Variants in FCRL4 observed in about 807,000 individuals in gnomAD.
The protein encoded by FCRL4 is Fc receptor like 4.
A neutral mutation model predicts 64.1 loss-of-function variants in FCRL4; 43 were observed. That is an observed-to-expected ratio of 0.67 (90% CI 0.53 to 0.87). The LOEUF (loss-of-function observed/expected upper bound fraction) is 0.87. FCRL4 is among the 40% of genes least tolerant of loss of function. The pLI is 0.00. For synonymous variants in FCRL4, 253 were observed against 239.8 expected (o/e 1.05, Z -0.51); for missense variants, 656 against 613.5 (o/e 1.07, Z -0.73).
intron 3 of FCRL4, 72 bp downstream of exon 3, chr1:157,589,132 G>A (rs892398965): frequency 9.9e-6 from 15 of 1,520,036 alleles, no homozygotes; most frequent in South Asian, 2.5e-5. Context: ...ACCCCAGTTC[G>A]TGGAATCTCC....
Position 157,586,383 on chromosome 1 carries a change from A to G in FCRL4, c.920T>C (p.Val307Ala). The change falls in exon 6 of 12, where the codon GTC (valine) becomes GCC (alanine). Residue 307 changes from valine to alanine, a missense_variant. Coordinates refer to ENST00000271532, the MANE Select transcript of FCRL4 (RefSeq NM_031282.3). ...GGQAVEGEML[V>A]LVCSVAEGTG... ...GCCTTCAGCCACGGAGCAGACAAGGACCAGCATCTCCCCTTCAACAGCCTG... is the reference window on the plus strand; with the variant it reads ...GCCTTCAGCCACGGAGCAGACAAGGGCCAGCATCTCCCCTTCAACAGCCTG... 6.2e-7 allele frequency: 1 copy of G among 1,613,228 alleles called. No homozygotes were observed. Among genetic ancestry groups the G allele is most frequent in the South Asian group, 1.1e-5 (1 of 91,072 alleles).
Position 157,598,001 on chromosome 1 carries a change from A to C in FCRL4, c.-57T>G. ...CTGAGGAGACAAGCCAGGTCAGCCC[A>C]GATTGCCAAAGCAGCACTTGCCTAC... On this transcript the variant is annotated 5_prime_UTR_variant, in exon 1 of 12. Coordinates refer to ENST00000271532, the MANE Select transcript of FCRL4 (RefSeq NM_031282.3). 7.0e-7 allele frequency: 1 copy of C among 1,426,282 alleles called. No homozygotes were observed. Among genetic ancestry groups the C allele is most frequent in the South Asian group, 1.2e-5 (1 of 85,382 alleles). The allele number at this position is 1,426,282 out of a possible 1,614,324, so 88.4% of individuals were successfully genotyped here.
rs894677918 is a variant in FCRL4, at chr1:157,573,826, C to G, written c.*1698G>C. On this transcript the variant is annotated 3_prime_UTR_variant, in exon 12 of 12. Coordinates refer to ENST00000271532, the MANE Select transcript of FCRL4 (RefSeq NM_031282.3). ...TCCTTTTGCTTTTATAAAAACATCA[C>G]TACAATAAACTATCACTTATATCCA... The G allele has an allele frequency of 1.1e-5, 2 of 187,744 alleles. No individual in the cohort carries two copies. Among genetic ancestry groups the G allele is most frequent in the Non-Finnish European group, 2.2e-5 (2 of 90,526 alleles). 11.6% of individuals were successfully genotyped at this position (187,744 alleles called of 1,614,324 possible).
At chr1:157,596,514 CT>C (rs199776951) in intron 1 of FCRL4, among the ~76,000 whole-genome samples, 166 bp from the exon 2 acceptor site, 4,906 of 152,264 alleles carry the variant, frequency 0.032, 108 homozygotes, top group Non-Finnish European at 0.048. Context: ...GACGCTCAGG[CT>C]GTGGACTCAG....
chr1:157,579,699 A>AATGCATAC (rs1652512862), intron 8 of FCRL4, among the ~76,000 whole-genome samples: 2 of 123,728 alleles, frequency 1.6e-5, no homozygotes, highest in Non-Finnish European at 3.5e-5. Context: ...CCTGGGTGAC[A>AATGCATAC]ATACATACAT....
Position 157,588,120 on chromosome 1 carries a change from CT to C in FCRL4, c.308-2del. On this transcript the variant is annotated splice_acceptor_variant, in intron 3 of 11. Coordinates refer to ENST00000271532, the MANE Select transcript of FCRL4 (RefSeq NM_031282.3). LOFTEE classifies it high-confidence loss of function. ...TATGGTGCCTGCAGGATTAAGGAGT[CT>C]GGAAAAGACACAGAGAGGAGATCGT... 1.2e-6 allele frequency: 2 copies of C among 1,600,094 alleles called. No individual in the cohort carries two copies. Among genetic ancestry groups the C allele is most frequent in the Non-Finnish European group, 1.7e-6 (2 of 1,173,486 alleles).
intron 1 of FCRL4, among the ~76,000 whole-genome samples, chr1:157,596,903 C>A (rs1470882437): frequency 6.6e-6 from 1 of 152,182 alleles, no homozygotes; most frequent in Non-Finnish European, 1.5e-5. Flanking sequence ...TTCATTTCCT[C>A]ATTTGTAAAT....
intron 2 of FCRL4, among the ~76,000 whole-genome samples, chr1:157,593,426 G>A (rs1652883160): frequency 6.6e-6 from 1 of 152,192 alleles, no homozygotes; most frequent in Non-Finnish European, 1.5e-5. Context: ...AAAGACAGAA[G>A]TTTGTTTCCC....
rs1473606254 is a variant in FCRL4, at chr1:157,578,806, G to T, written c.1324C>A (p.Pro442Thr). Residue 442 changes from proline (P) to threonine (T), a missense_variant, in exon 9 of 12, where the codon CCT becomes ACT. Transcript: ENST00000271532. Reference protein sequence around the residue: ...GPGESSHSICPAQVELQSLYV... With the variant: ...GPGESSHSICTAQVELQSLYV... ...AACGACTGAAGCTCCACCTGGGCAGGGCAGATGGAATGGGAGGACTCTCCT... is the reference window on the plus strand; with the variant it reads ...AACGACTGAAGCTCCACCTGGGCAGTGCAGATGGAATGGGAGGACTCTCCT... The T allele has an allele frequency of 3.1e-6, 5 of 1,613,868 alleles. No homozygotes were observed. Among genetic ancestry groups the T allele is most frequent in the Middle Eastern group, 1.6e-4 (1 of 6,074 alleles).
chr1:157,597,371 C>T (rs2778000), intron 1 of FCRL4, among the ~76,000 whole-genome samples: 100,765 of 152,158 alleles, frequency 0.66, 34,971 homozygotes, highest in East Asian at 0.9. Context: ...CTAGGAAATC[C>T]GTGCCTCATT....
In FCRL4 at chr1:157,589,400, T is replaced by C; in HGVS notation, c.111A>G (p.Gly37=). 1 of 1,614,148 alleles carries C rather than the reference T, an allele frequency of 6.2e-7. No individual in the cohort carries two copies. The highest frequency in any genetic ancestry group is 1.1e-5 in the South Asian group (1 of 91,086). ...CATTGCAAGTCAGAGTCACTCTCTC[T>C]CCTTTGAAGAATGTGGTCCATGGAG... ...VHPPWTTFFK[G]ERVTLTCNGF... The change falls in exon 3 of 12, where the codon GGA becomes GGG. Residue 37 remains glycine, a synonymous_variant. Coordinates refer to ENST00000271532, the MANE Select transcript of FCRL4 (RefSeq NM_031282.3).
At chr1:157,596,489 G>A (rs1652969651) in intron 1 of FCRL4, 141 bp from the exon 2 acceptor site, 6 of 944,382 alleles carry the variant, frequency 6.4e-6, no homozygotes, top group Non-Finnish European at 3.3e-6. Flanking sequence ...GGGAAGCGGG[G>A]AAACACAGTG....
intron 8 of FCRL4, among the ~76,000 whole-genome samples, chr1:157,579,469 C>A (rs139219507): frequency 0.016 from 2,385 of 152,236 alleles, 24 homozygotes; most frequent in Admixed American, 0.026. Context: ...GTAATCCCAG[C>A]ACTTTGGGAG....
Position 157,575,495 on chromosome 1 carries a change from G to A in FCRL4, c.*29C>T, listed in dbSNP as rs564610736. ...TTTGGACAAGGGAGAAATCACATGA[G>A]TAGGACGTTCTCGTAACTTTTCATT... On this transcript the variant is annotated 3_prime_UTR_variant, in exon 12 of 12. Coordinates refer to ENST00000271532, the MANE Select transcript of FCRL4 (RefSeq NM_031282.3). 7 of 1,554,792 alleles carry A rather than the reference G, an allele frequency of 4.5e-6. No individual in the cohort carries two copies. The East Asian group carries it at 1.1e-4, about 25-fold the overall frequency.
At chr1:157,580,030 C>A (rs1404782516) in intron 8 of FCRL4, among the ~76,000 whole-genome samples, 1 of 152,212 alleles carries the variant, frequency 6.6e-6, no homozygotes, top group Non-Finnish European at 1.5e-5. Context: ...CATTGTCTAA[C>A]TTAATTATAG....
Position 157,578,777 on chromosome 1 carries a change from A to C in FCRL4, c.1353T>G (p.Tyr451Ter). 1 of 1,613,884 alleles carries C rather than the reference A, an allele frequency of 6.2e-7. No homozygotes were observed. Among genetic ancestry groups the C allele is most frequent in the Non-Finnish European group, 8.5e-7 (1 of 1,179,838 alleles). Reference protein sequence around the residue: ...CPAQVELQSLYVDVHPKKGDL... With the variant: ...CPAQVELQSL ...CTAGAAGGGAATCCTCACCATCAAC[A>C]TACAACGACTGAAGCTCCACCTGGG... Residue 451 changes from tyrosine to a stop codon, truncating the protein, a stop_gained, in exon 9 of 12, where the codon TAT becomes TAG. Coordinates refer to ENST00000271532, the MANE Select transcript of FCRL4 (RefSeq NM_031282.3). LOFTEE classifies it high-confidence loss of function.
chr1:157,594,220 A>G (rs917461218), intron 2 of FCRL4, among the ~76,000 whole-genome samples: 2 of 152,232 alleles, frequency 1.3e-5, no homozygotes, highest in South Asian at 2.1e-4. Flanking sequence ...TGAAGTATTA[A>G]CTTTCCCACC....
At chr1:157,594,381 T>C (rs1451518788) in intron 2 of FCRL4, among the ~76,000 whole-genome samples, 1 of 152,260 alleles carries the variant, frequency 6.6e-6, no homozygotes, top group Non-Finnish European at 1.5e-5. Context: ...CTTCTCCACC[T>C]GTCTCCCTAC....
chr1:157,588,296 TA>T (rs1422615051), intron 3 of FCRL4, among the ~76,000 whole-genome samples, 177 bp from the exon 4 acceptor site: 3 of 152,226 alleles, frequency 2.0e-5, no homozygotes, highest in Non-Finnish European at 4.4e-5. Context: ...AATTCCTAAA[TA>T]AATCCCAGAC....
Sources: allele counts gnomAD v4.1 joint callset (sites outside exome capture counted in the v4.1 genomes callset), GRCh38; gene constraint gnomAD v4.1.1; transcripts MANE v1.5; gene names NCBI Gene and HGNC (gene_info 2026-07-23, HGNC 2026-07-21).